Variants in SEPTIN4 observed in about 807,000 individuals in gnomAD.
The protein encoded by SEPTIN4 is septin 4.
In SEPTIN4, 52 loss-of-function variants were observed where a neutral mutation model predicts 107.1. That is an observed-to-expected ratio of 0.49 (90% CI 0.39 to 0.61). SEPTIN4 has a LOEUF of 0.61. SEPTIN4 is among the 20% of genes least tolerant of loss of function. The pLI, the probability that SEPTIN4 is intolerant of heterozygous loss-of-function variation, is 0.00. For synonymous variants in SEPTIN4, 417 were observed against 467.0 expected, an observed-to-expected ratio of 0.89 and a Z score of 1.38; for missense variants, 1,048 against 1,243.5, an observed-to-expected ratio of 0.84 and a Z score of 2.36.
chr17:58,543,887 G>A lies in SEPTIN4; in HGVS notation c.300C>T (p.Ser100=), dbSNP rs145957445. The A allele has an allele frequency of 7.2e-5, 117 of 1,613,996 alleles. No homozygotes were observed. Among genetic ancestry groups the A allele is most frequent in the Non-Finnish European group, 9.5e-5 (112 of 1,180,022 alleles). ...TCTTCTGGCTCTTTAGATGGGGAGA[G>A]GAATGGCGGGATGATTCTGTTCTTG... ...TGPRTESSRH[S]SPHLKSQKTQ... Residue 100 remains serine (S), a synonymous_variant, in exon 1 of 14, where the codon TCC becomes TCT. Coordinates refer to ENST00000672673, the MANE Select transcript of SEPTIN4 (RefSeq NM_001368771.2).
In SEPTIN4 at chr17:58,540,677, T is replaced by A; in HGVS notation, c.1607-4A>T. 2 of 1,355,386 alleles carry A rather than the reference T, an allele frequency of 1.5e-6. No homozygotes were observed. The highest frequency in any genetic ancestry group is 1.9e-6 in the Non-Finnish European group (2 of 1,058,954). The allele number at this position is 1,355,386 out of a possible 1,614,324, so 84.0% of individuals were successfully genotyped here. A position where few individuals can be genotyped will look rare whatever the true frequency, so the allele number is the denominator to read the frequency against. ...AGGGGCATTCTTACCTCCTCATCTG[T>A]CATAACAGAGTAGAAGCCAGGCATT... On this transcript the variant is annotated splice_region_variant and splice_polypyrimidine_tract_variant and intron_variant, in intron 2 of 13. Coordinates refer to ENST00000672673, the MANE Select transcript of SEPTIN4 (RefSeq NM_001368771.2).
intron 2 of SEPTIN4, chr17:58,541,645 G>T: frequency 1.2e-6 from 1 of 846,404 alleles, no homozygotes; most frequent in Non-Finnish European, 1.8e-6. Context: ...GACCAACTAA[G>T]CTGAAAAGGC....
rs1415352084 is a variant in SEPTIN4 at position 58,521,974 on chromosome 17, C to T, written c.2344G>A (p.Gly782Ser). 14 of 1,614,148 alleles carry T rather than the reference C, an allele frequency of 8.7e-6. No homozygotes were observed. The highest frequency in any genetic ancestry group is 2.2e-5 in the South Asian group (2 of 91,072). Residue 782 changes from glycine to serine, a missense_variant, in exon 8 of 14, where the codon GGC (glycine) becomes AGC (serine). By Grantham distance (56) the Gly-to-Ser change is moderately conservative. This residue lies in a region of SEPTIN4 where 261 missense variants were observed against 371.7 expected (regional missense o/e 0.70). Transcript: ENST00000672673. This position sits in a 1 kb window ranked among gnomAD's most constrained non-coding sequence, Gnocchi z 6.4. The stretch of plus-strand genomic sequence containing the variant: ...CTCAGGCTTGGACCATACCCATGGC[C>T]GAAGGGTGAGATGAAGTACAGGCAG... ...HCCLYFISPF[G>S]HGLRPLDVEF...
intron 3 of SEPTIN4, among the ~76,000 whole-genome samples, chr17:58,537,558 G>A (rs1370171362): frequency 3.9e-5 from 6 of 152,144 alleles, no homozygotes; most frequent in Non-Finnish European, 7.4e-5. Context: ...AAGGCCGGGC[G>A]TGGTGACTCA....
intron 3 of SEPTIN4, among the ~76,000 whole-genome samples, chr17:58,528,929 C>T (rs536021838): frequency 6.6e-5 from 10 of 152,178 alleles, no homozygotes; most frequent in Admixed American, 1.3e-4. Context: ...GCTGCTCATC[C>T]GCATGGAGGG....
intron 3 of SEPTIN4, among the ~76,000 whole-genome samples, chr17:58,534,867 G>A (rs898607769): frequency 6.6e-6 from 1 of 152,236 alleles, no homozygotes; most frequent in Non-Finnish European, 1.5e-5. Flanking sequence ...CAAGGAGGCT[G>A]CATGTGGGCC....
intron 3 of SEPTIN4, chr17:58,529,114 C>T: frequency 6.2e-7 from 1 of 1,614,212 alleles, no homozygotes; most frequent in Non-Finnish European, 8.5e-7. Flanking sequence ...CAGCACCTTA[C>T]CCCAGCTTCA....
intron 4 of SEPTIN4, 183 bp downstream of exon 4, chr17:58,526,499 T>C (rs556216732): frequency 6.5e-6 from 9 of 1,390,896 alleles, no homozygotes; most frequent in Non-Finnish European, 8.4e-6. Context: ...AAATTTCCAG[T>C]GCCCTTGGGG....
rs757350860 is a variant in SEPTIN4, at chr17:58,525,222, G to A, written c.2093-21C>T. ...CCTCTCTGGAGAAAGGGGAAACTGA[G>A]GCCAGGGCAAGGGCAGGGACCTGCC... On this transcript the variant is annotated intron_variant, in intron 6 of 13. Transcript: ENST00000672673. 5 of 1,612,280 alleles carry A rather than the reference G, an allele frequency of 3.1e-6. No homozygotes were observed. The Admixed American group carries it at 8.3e-5, about 27-fold the overall frequency.
Position 58,540,658 on chromosome 17 carries a change from A to G in SEPTIN4, c.1614+8T>C, listed in dbSNP as rs994124025. 11 of 1,363,518 alleles carry G rather than the reference A, an allele frequency of 8.1e-6. No individual in the cohort carries two copies. Among genetic ancestry groups the G allele is most frequent in the Middle Eastern group, 3.9e-4 (2 of 5,184 alleles). 84.5% of individuals were successfully genotyped at this position (1,363,518 alleles called of 1,614,324 possible). On this transcript the variant is annotated splice_region_variant and intron_variant, in intron 3 of 13. Coordinates refer to ENST00000672673, the MANE Select transcript of SEPTIN4 (RefSeq NM_001368771.2). ...AGACTGGGAGTAACCTCCCAGGGGC[A>G]TTCTTACCTCCTCATCTGTCATAAC...
rs1189914560 is a variant in SEPTIN4 at position 58,539,303 on chromosome 17, A to G, written c.1614+1363T>C. The G allele has an allele frequency of 5.6e-6, 4 of 719,868 alleles. No homozygotes were observed. In the East Asian group the frequency reaches 1.2e-4, roughly 21 times the overall value. The allele number at this position is 719,868 out of a possible 1,614,324, so 44.6% of individuals were successfully genotyped here. A position where few individuals can be genotyped will look rare whatever the true frequency, so the allele number is the denominator to read the frequency against. On this transcript the variant is annotated intron_variant, in intron 3 of 13. Transcript: ENST00000672673. ...CCTAAACTAAAACAAGATGCACAGA[A>G]AAAGGGGATGAAGGTGGGGGAGAAC...
At position 58,543,526 on chromosome 17, in the gene SEPTIN4, T is replaced by C. The variant is rs2043941595; in HGVS notation, c.661A>G (p.Ser221Gly). ...TTTSEIRSPR[S>G]PSLLEHGSSC... The stretch of plus-strand genomic sequence containing the variant: ...CTTCCGTGCTCTAGGAGAGAGGGAC[T>C]CCTTGGAGATCTGATCTCACTAGTA... The change falls in exon 1 of 14, where the codon AGT (serine) becomes GGT (glycine). Residue 221 changes from serine to glycine, a missense_variant. Ser to Gly is a moderately conservative substitution (Grantham distance 56, BLOSUM62 0). Around this residue, in one of 2 missense-constraint regions of SEPTIN4, gnomAD observed 787 missense variants for 871.8 expected, o/e 0.90. Transcript: ENST00000672673. 6.2e-7 allele frequency: 1 copy of C among 1,614,204 alleles called. No individual in the cohort carries two copies. Among genetic ancestry groups the C allele is most frequent in the Non-Finnish European group, 8.5e-7 (1 of 1,180,028 alleles).
At position 58,543,176 on chromosome 17, in the gene SEPTIN4, G is replaced by A. The variant is rs2043929721; in HGVS notation, c.1011C>T (p.Ile337=). The A allele has an allele frequency of 4.3e-6, 7 of 1,614,094 alleles. No individual in the cohort carries two copies. The East Asian group carries it at 1.6e-4, about 36-fold the overall frequency. ...GCTCTACTGACTGTACCCCTGGGGA[G>A]ATGGTGACCCTGCGGCCAACCTCGC... is the stretch of plus-strand genomic sequence containing the variant. The part of the protein sequence containing the change: ...GNSEVGRRVT[I]SPGVQSVEPT... Residue 337 remains isoleucine, a synonymous_variant, in exon 1 of 14, where the codon ATC becomes ATT. Transcript: ENST00000672673.
chr17:58,527,110 G>C, intron 3 of SEPTIN4, 132 bp from the exon 4 acceptor site: 1 of 1,457,808 alleles, frequency 6.9e-7, no homozygotes, highest in African/African-American at 1.4e-5. Context: ...AGAAGAAAAA[G>C]AAACTGCAGC....
chr17:58,527,780 A>C (rs2043087382), intron 3 of SEPTIN4: 1 of 946,048 alleles, frequency 1.1e-6, no homozygotes, highest in African/African-American at 1.8e-5. Context: ...ACAGCCCCCA[A>C]CTGTGAGGGA....
In SEPTIN4 at chr17:58,521,683, C is replaced by G. The variant is rs199566852; in HGVS notation, c.2470-37G>C. 7.4e-5 allele frequency: 120 copies of G among 1,614,108 alleles called. 1 individual carries two copies. The highest frequency in any genetic ancestry group is 1.1e-5 in the Non-Finnish European group (13 of 1,180,042). Reference sequence around the variant, plus strand: ...ATGAGGGGCCCACAGTTCTGGGGACCACATCCTTTCTAGAAGCCCACCTGA... The same window carrying G: ...ATGAGGGGCCCACAGTTCTGGGGACGACATCCTTTCTAGAAGCCCACCTGA... On this transcript the variant is annotated intron_variant, in intron 9 of 13. Transcript: ENST00000672673. The surrounding 1 kb of genome is among the most constrained non-coding windows in gnomAD (Gnocchi z 6.4).
At chr17:58,528,977 G>A (rs1397859915) in intron 3 of SEPTIN4, 3 of 980,626 alleles carry the variant, frequency 3.1e-6, no homozygotes, top group African/African-American at 3.2e-5. Flanking sequence ...AGGACACCAG[G>A]GTCCTCACCT....
chr17:58,534,030 C>T (rs951587880), intron 3 of SEPTIN4, among the ~76,000 whole-genome samples: 18 of 152,220 alleles, frequency 1.2e-4, no homozygotes, highest in Middle Eastern at 3.2e-3. Flanking sequence ...TCATCCTCAG[C>T]TGTGGCTGGA....
chr17:58,534,492 C>T (rs2043642056), intron 3 of SEPTIN4, among the ~76,000 whole-genome samples: 3 of 152,240 alleles, frequency 2.0e-5, no homozygotes, highest in Admixed American at 2.0e-4. Flanking sequence ...ATACAGCAGC[C>T]CTTGCGTCAG....
Sources: allele counts gnomAD v4.1 joint callset (sites outside exome capture counted in the v4.1 genomes callset), GRCh38; gene constraint gnomAD v4.1.1; regional missense constraint gnomAD v4.1.1; non-coding constraint Gnocchi (gnomAD v3.1); transcripts MANE v1.5; gene names NCBI Gene and HGNC (gene_info 2026-07-23, HGNC 2026-07-21).